GLT1D1: variants seen among roughly 807,000 people sequenced by gnomAD.
GLT1D1 encodes the protein glycosyltransferase 1 domain-containing protein 1.
GLT1D1 carries 21 observed loss-of-function variants against 28.7 expected under a neutral mutation model. The ratio of observed to expected loss-of-function variants is 0.73; its 90% CI spans 0.52 to 1.05. The LOEUF (loss-of-function observed/expected upper bound fraction) is 1.05, where lower values mean the gene tolerates loss of function less well. Among genes scored for constraint, GLT1D1 ranks in the 50% least tolerant of loss-of-function variants. The probability of loss-of-function intolerance (pLI) is 0.00; values close to 1 mark genes in which losing one functional copy is unlikely to be tolerated. For missense variants in GLT1D1, 343 were observed against 330.6 expected (o/e 1.04, Z -0.29); for synonymous variants, 147 against 124.8 (o/e 1.18, Z -1.19).
chr12:128,919,502 C>A (rs541379177), intron 4 of GLT1D1, among the ~76,000 whole-genome samples: 1 of 152,342 alleles, frequency 6.6e-6, no homozygotes, highest in African/African-American at 2.4e-5. Context: ...ATACTCAATT[C>A]TATCTCTAAG....
intron 6 of GLT1D1, among the ~76,000 whole-genome samples, chr12:128,955,563 G>A (rs996269698): frequency 1.3e-5 from 2 of 150,116 alleles, no homozygotes; most frequent in Admixed American, 1.3e-4. Context: ...TTCATGCATT[G>A]CATTTGGCTT....
In GLT1D1 at chr12:128,914,911, T is replaced by C. The variant is rs566756976; in HGVS notation, c.375+15624T>C. Reference sequence around the variant, plus strand: ...CAGTCGCTTCAAAGTGAACTTGCCCTTTTTTTGTTTCTTTGACCCAGGAAT... The same window carrying C: ...CAGTCGCTTCAAAGTGAACTTGCCCCTTTTTTGTTTCTTTGACCCAGGAAT... On this transcript the variant is annotated intron_variant, in intron 4 of 7. Transcript: ENST00000281703. The C allele has an allele frequency of 1.1e-4, 166 of 1,529,214 alleles. No individual in the cohort carries two copies. The East Asian group carries it at 3.7e-3, about 34-fold the overall frequency. 94.7% of individuals were successfully genotyped at this position (1,529,214 alleles called of 1,614,324 possible). A position where few individuals can be genotyped will look rare whatever the true frequency, so the allele number is the denominator to read the frequency against.
chr12:128,886,666 C>G (rs1017055724), intron 2 of GLT1D1, among the ~76,000 whole-genome samples: 8 of 152,074 alleles, frequency 5.3e-5, no homozygotes, highest in African/African-American at 1.9e-4. Context: ...GATTCTCTGG[C>G]CTCCCTCTTC....
intron 4 of GLT1D1, among the ~76,000 whole-genome samples, chr12:128,943,464 C>T (rs1382683253): frequency 3.9e-5 from 6 of 151,992 alleles, no homozygotes; most frequent in Non-Finnish European, 7.4e-5. Flanking sequence ...ACACATTTCT[C>T]AACCTGAGTC....
intron 1 of GLT1D1, among the ~76,000 whole-genome samples, chr12:128,864,396 C>T (rs1051771224): frequency 6.6e-6 from 1 of 151,884 alleles, no homozygotes; most frequent in Non-Finnish European, 1.5e-5. Flanking sequence ...GAGGAATTTC[C>T]CAAGCAGAAG....
rs549638047 is a variant in GLT1D1 at position 128,963,635 on chromosome 12, C to A, written c.639+5992C>A. ...CACTCCAGCCTGGGTGAGAGTGAGA[C>A]TCCGTCTCAAAACAAAAACAAAAAG... On this transcript the variant is annotated intron_variant, in intron 7 of 7. Coordinates refer to ENST00000281703, the MANE Select transcript of GLT1D1 (RefSeq NM_144669.3). Among the ~76,000 whole-genome samples, 3 of 152,266 alleles carry A rather than the reference C, an allele frequency of 2.0e-5. No individual in the cohort carries two copies. The South Asian group carries it at 6.2e-4, about 32-fold the overall frequency.
At chr12:128,913,697 A>G (rs1371048188) in intron 4 of GLT1D1, among the ~76,000 whole-genome samples, 1 of 152,204 alleles carries the variant, frequency 6.6e-6, no homozygotes, top group African/African-American at 2.4e-5. Flanking sequence ...TTAGTGAGGC[A>G]CGGCATCCTG....
chr12:128,915,329 A>G (rs564666148), intron 4 of GLT1D1, among the ~76,000 whole-genome samples: 1 of 151,522 alleles, frequency 6.6e-6, no homozygotes, highest in Admixed American at 6.6e-5. Flanking sequence ...TTAAATTACC[A>G]TTGTAGAAAA....
chr12:128,914,559 C>T (rs376498754), intron 4 of GLT1D1, among the ~76,000 whole-genome samples: 13 of 152,254 alleles, frequency 8.5e-5, no homozygotes, highest in African/African-American at 2.9e-4. Context: ...GTGGCTTACA[C>T]CTGTAATCCC....
intron 1 of GLT1D1, among the ~76,000 whole-genome samples, chr12:128,869,546 A>G (rs938797475): frequency 6.6e-6 from 1 of 152,056 alleles, no homozygotes; most frequent in Admixed American, 6.6e-5. Flanking sequence ...TATTTGAAAT[A>G]CACATTATAA....
intron 4 of GLT1D1, among the ~76,000 whole-genome samples, chr12:128,913,443 A>T (rs1465994223): frequency 6.6e-6 from 1 of 151,296 alleles, no homozygotes; most frequent in Non-Finnish European, 1.5e-5. Context: ...CTGATCTTGA[A>T]CTCCTGACCT....
At chr12:128,946,139 T>G (rs1288720121) in intron 5 of GLT1D1, among the ~76,000 whole-genome samples, 2 of 152,224 alleles carry the variant, frequency 1.3e-5, no homozygotes, top group Non-Finnish European at 2.9e-5. Context: ...AAGTATCACC[T>G]GCTCGGGGAA....
chr12:128,876,131 A>G (rs1419922550), intron 2 of GLT1D1, 69 bp downstream of exon 2: 3 of 1,358,662 alleles, frequency 2.2e-6, no homozygotes, highest in South Asian at 1.3e-5. Flanking sequence ...GTAATGTCCA[A>G]TAACACGGGA....
Position 128,926,193 on chromosome 12 carries a change from CAATAATAATAAT to C in GLT1D1, c.376-19100_376-19089del, listed in dbSNP as rs34967915. Among the ~76,000 whole-genome samples, 184 of 132,936 alleles carry C rather than the reference CAATAATAATAAT, an allele frequency of 1.4e-3. 1 individual carries two copies. Among genetic ancestry groups the C allele is most frequent in the Admixed American group, 2.4e-3 (31 of 12,984 alleles). 87.2% of individuals were successfully genotyped at this position (132,936 alleles called of 152,430 possible). A position where few individuals can be genotyped will look rare whatever the true frequency, so the allele number is the denominator to read the frequency against. On this transcript the variant is annotated intron_variant, in intron 4 of 7. Transcript: ENST00000281703. ...TGGACAACAGAGCAAGACTCTGTCT[CAATAATAATAAT>C]AATAATAATAATAATAATAATAATA... is the stretch of plus-strand genomic sequence containing the variant.
At position 128,983,941 on chromosome 12, in the gene GLT1D1, C is replaced by T. The variant is rs1212107904; in HGVS notation, c.*851C>T. On this transcript the variant is annotated 3_prime_UTR_variant, in exon 8 of 8. Coordinates refer to ENST00000281703, the MANE Select transcript of GLT1D1 (RefSeq NM_144669.3). The surrounding 1 kb of genome is among the most constrained non-coding windows in gnomAD (Gnocchi z 4.7). ...TTGGGTCTGCAGGGCTTTGCAGCCA[C>T]ACAGCGAGGTCAGTCCGGGGCCAGC... is the stretch of plus-strand genomic sequence containing the variant. 4.6e-5 allele frequency: 7 copies of T among 152,278 alleles called. No homozygotes were observed. The highest frequency in any genetic ancestry group is 1.4e-4 in the African/African-American group (6 of 41,458). The allele number at this position is 152,278 out of a possible 1,614,324, so 9.4% of individuals were successfully genotyped here. A position where few individuals can be genotyped will look rare whatever the true frequency, so the allele number is the denominator to read the frequency against.
At chr12:128,868,871 TTTTC>T (rs1956613531) in intron 1 of GLT1D1, among the ~76,000 whole-genome samples, 1 of 152,184 alleles carries the variant, frequency 6.6e-6, no homozygotes, top group Non-Finnish European at 1.5e-5. Context: ...ATTTTGTTTG[TTTTC>T]TTTCTTTTTT....
At chr12:128,879,442 C>G (rs867001955) in intron 2 of GLT1D1, among the ~76,000 whole-genome samples, 1 of 104,258 alleles carries the variant, frequency 9.6e-6, no homozygotes, top group African/African-American at 3.6e-5. Context: ...TTCTTTCTTT[C>G]TTTCTTTCTT....
At chr12:128,958,871 T>C (rs1336778925) in intron 7 of GLT1D1, among the ~76,000 whole-genome samples, 1 of 136,828 alleles carries the variant, frequency 7.3e-6, no homozygotes, top group Non-Finnish European at 1.5e-5. Flanking sequence ...AGGGTCTCAC[T>C]GTGTAGCCCA....
intron 2 of GLT1D1, among the ~76,000 whole-genome samples, chr12:128,882,170 G>A (rs1957074833): frequency 6.6e-6 from 1 of 151,906 alleles, no homozygotes; most frequent in Admixed American, 6.6e-5. Flanking sequence ...AGTATTTGCT[G>A]AGAAAATAAT....
Sources: allele counts gnomAD v4.1 joint callset (sites outside exome capture counted in the v4.1 genomes callset), GRCh38; gene constraint gnomAD v4.1.1; non-coding constraint Gnocchi (gnomAD v3.1); transcripts MANE v1.5; gene names NCBI Gene and HGNC (gene_info 2026-07-23, HGNC 2026-07-21).